NRXN1: variants seen among roughly 807,000 people sequenced by gnomAD.
NRXN1 encodes the protein neurexin 1.
Under a neutral mutation model 150.9 loss-of-function variants are expected in NRXN1, and 39 were observed. The observed-to-expected ratio is 0.26, with a 90% confidence interval of 0.20 to 0.34. NRXN1 has a LOEUF of 0.34. Among genes scored for constraint, NRXN1 ranks in the 10% least tolerant of loss-of-function variants. NRXN1 has a pLI of 1.00. For missense variants in NRXN1, 1,815 were observed against 1,949.9 expected, an observed-to-expected ratio of 0.93 and a Z score of 1.30; for synonymous variants, 924 against 757.0, an observed-to-expected ratio of 1.22 and a Z score of -3.62.
chr2:50,813,895 C>A (rs567632706), intron 5 of NRXN1, among the ~76,000 whole-genome samples: 12 of 152,114 alleles, frequency 7.9e-5, no homozygotes, highest in Non-Finnish European at 1.3e-4. Context: ...TTTAACAATA[C>A]ATCTTCTGAT....
At chr2:50,328,186 T>G (rs1043080340) in intron 17 of NRXN1, among the ~76,000 whole-genome samples, 2 of 152,138 alleles carry the variant, frequency 1.3e-5, no homozygotes, top group African/African-American at 4.8e-5. Context: ...GTAAACTTCC[T>G]TAAAACATGA....
chr2:50,166,309 G>GTT (rs2059682788), intron 18 of NRXN1, among the ~76,000 whole-genome samples: 2 of 144,322 alleles, frequency 1.4e-5, no homozygotes, highest in Non-Finnish European at 3.0e-5. Context: ...GTGTGTGTGT[G>GTT]TGTGTGTGTG....
chr2:50,444,828 C>T (rs1453074879), intron 17 of NRXN1, among the ~76,000 whole-genome samples: 1 of 151,980 alleles, frequency 6.6e-6, no homozygotes, highest in African/African-American at 2.4e-5. Flanking sequence ...TTGATGCTGT[C>T]TTTATTTAAA....
chr2:50,943,007 C>A (rs1189149102), intron 2 of NRXN1, among the ~76,000 whole-genome samples: 3 of 152,146 alleles, frequency 2.0e-5, no homozygotes, highest in Non-Finnish European at 4.4e-5. Context: ...GTGACTGAAT[C>A]ATGGAGCAGA....
In NRXN1 at chr2:50,251,635, T is replaced by G. The variant is rs908009191; in HGVS notation, c.3365-14665A>C. ...GTCTTCCACACTGGTTGAACTAATT[T>G]ACATTCCCACCAACAGTGTAAAAGC... is the stretch of plus-strand genomic sequence containing the variant. On this transcript the variant is annotated intron_variant, in intron 17 of 22. Coordinates refer to ENST00000401669, the MANE Select transcript of NRXN1 (RefSeq NM_001330078.2). 6.0e-4 allele frequency among the ~76,000 whole-genome samples: 92 copies of G among 152,290 alleles called. 1 individual carries two copies. Among genetic ancestry groups the G allele is most frequent in the Non-Finnish European group, 1.1e-3 (75 of 68,024 alleles).
chr2:50,052,000 C>T (rs1050460081), intron 21 of NRXN1, among the ~76,000 whole-genome samples: 4 of 151,942 alleles, frequency 2.6e-5, no homozygotes, highest in Admixed American at 6.6e-5. Context: ...GTATTTTTTG[C>T]CCATCCCTCT....
intron 5 of NRXN1, among the ~76,000 whole-genome samples, chr2:50,778,447 T>G (rs1703936108): frequency 6.6e-6 from 1 of 152,200 alleles, no homozygotes; most frequent in Non-Finnish European, 1.5e-5. Context: ...AGGAACACAC[T>G]GTTCGAGAAT....
chr2:50,251,307 T>G (rs149460760), intron 17 of NRXN1, among the ~76,000 whole-genome samples: 1 of 152,008 alleles, frequency 6.6e-6, no homozygotes, highest in African/African-American at 2.4e-5. Context: ...CTGCATTAGT[T>G]TGCTGAGGAT....
At chr2:50,876,471 T>G (rs182797773) in intron 5 of NRXN1, among the ~76,000 whole-genome samples, 13 of 151,976 alleles carry the variant, frequency 8.6e-5, no homozygotes, top group Admixed American at 5.3e-4. Context: ...CCCACTGTAC[T>G]ACACACTAGG....
At chr2:50,004,441 T>A (rs183044573) in intron 21 of NRXN1, among the ~76,000 whole-genome samples, 4 of 152,222 alleles carry the variant, frequency 2.6e-5, no homozygotes, top group Admixed American at 2.6e-4. Flanking sequence ...AAAAATTGTT[T>A]TTGGAAGCAT....
chr2:50,152,842 G>A (rs138078394), intron 18 of NRXN1, among the ~76,000 whole-genome samples: 8 of 151,628 alleles, frequency 5.3e-5, no homozygotes, highest in Non-Finnish European at 8.9e-5. Context: ...GAATTTCTTG[G>A]AGTTTTATAT....
chr2:50,395,032 C>G (rs541002858), intron 17 of NRXN1, among the ~76,000 whole-genome samples: 6 of 151,998 alleles, frequency 3.9e-5, no homozygotes, highest in Non-Finnish European at 8.8e-5. Context: ...AATATAATCT[C>G]CTATTACTTT....
At chr2:49,986,524 T>C (rs1386002991) in intron 21 of NRXN1, among the ~76,000 whole-genome samples, 1 of 152,192 alleles carries the variant, frequency 6.6e-6, no homozygotes, top group Non-Finnish European at 1.5e-5. Flanking sequence ...TTGCAATATT[T>C]CATGTCATGT....
intron 2 of NRXN1, among the ~76,000 whole-genome samples, chr2:50,934,854 T>C (rs1342745328): frequency 6.6e-6 from 1 of 152,214 alleles, no homozygotes; most frequent in African/African-American, 2.4e-5. Flanking sequence ...AAAAATTTTA[T>C]TGTATTCATT....
chr2:50,553,395 T>C (rs1011771170), intron 8 of NRXN1, among the ~76,000 whole-genome samples: 1 of 152,254 alleles, frequency 6.6e-6, no homozygotes, highest in Non-Finnish European at 1.5e-5. Context: ...GTCTATGATA[T>C]TTTTAAAATT....
At chr2:50,910,208 T>A (rs1260942226) in intron 5 of NRXN1, among the ~76,000 whole-genome samples, 1 of 152,018 alleles carries the variant, frequency 6.6e-6, no homozygotes, top group African/African-American at 2.4e-5. Context: ...CTTTCCTCCA[T>A]GTAGTTTGTG....
chr2:50,981,416 C>T (rs1040857523), intron 2 of NRXN1, among the ~76,000 whole-genome samples: 2 of 138,248 alleles, frequency 1.4e-5, no homozygotes, highest in African/African-American at 5.6e-5. Context: ...CAAGATCGCA[C>T]CACTGCAGTC....
chr2:49,950,866 C>A (rs1424208596), intron 21 of NRXN1, among the ~76,000 whole-genome samples: 1 of 152,004 alleles, frequency 6.6e-6, no homozygotes, highest in Admixed American at 6.6e-5. Flanking sequence ...CCCCTTAAAA[C>A]AGCCACTTTC....
At chr2:50,969,457 C>A (rs919814257) in intron 2 of NRXN1, among the ~76,000 whole-genome samples, 8 of 151,934 alleles carry the variant, frequency 5.3e-5, no homozygotes, top group Non-Finnish European at 8.8e-5. Context: ...GATGAATTTA[C>A]CTACACTATT....
Sources: allele counts gnomAD v4.1 joint callset (sites outside exome capture counted in the v4.1 genomes callset), GRCh38; gene constraint gnomAD v4.1.1; transcripts MANE v1.5; gene names NCBI Gene and HGNC (gene_info 2026-07-23, HGNC 2026-07-21).